ZNF831: variants seen among roughly 807,000 people sequenced by gnomAD.
The protein encoded by ZNF831 is zinc finger protein 831.
Under a neutral mutation model 95.8 loss-of-function variants are expected in ZNF831, and 59 were observed. That is an observed-to-expected ratio of 0.62 (90% CI 0.50 to 0.77). The LOEUF is 0.77. Ranked by LOEUF, ZNF831 falls within the 30% of genes least tolerant of loss-of-function variation. The pLI, the probability that ZNF831 is intolerant of heterozygous loss-of-function variation, is 0.00. For missense variants in ZNF831, 2,205 were observed against 2,164.0 expected (o/e 1.02, Z -0.38); for synonymous variants, 961 against 925.5 (o/e 1.04, Z -0.70).
chr20:59,191,646 C>T lies in ZNF831; in HGVS notation c.627C>T (p.Ala209=). The part of the protein sequence containing the change: ...NSRLSSESEG[A]GGGLLEEGDK... ...GGCTGTCCTCAGAGTCCGAGGGCGC[C>T]GGGGGCGGCCTCCTGGAGGAAGGGG... Residue 209 remains alanine (A), a synonymous_variant, in exon 2 of 6, where the codon GCC becomes GCT. Coordinates refer to ENST00000371030, the MANE Select transcript of ZNF831 (RefSeq NM_178457.3). 1 of 1,564,212 alleles carries T rather than the reference C, an allele frequency of 6.4e-7. No homozygotes were observed. The highest frequency in any genetic ancestry group is 8.7e-7 in the Non-Finnish European group (1 of 1,154,730).
intron 1 of ZNF831, among the ~76,000 whole-genome samples, chr20:59,141,598 G>A (rs978228313): frequency 8.5e-5 from 13 of 152,078 alleles, no homozygotes; most frequent in African/African-American, 3.1e-4. Context: ...CATTACCATG[G>A]CCCTCTCTGG....
At chr20:59,195,786 G>C in intron 2 of ZNF831, 83 bp from the exon 3 acceptor site, 1 of 1,531,862 alleles carries the variant, frequency 6.5e-7, no homozygotes, top group Non-Finnish European at 8.8e-7. Context: ...CAGGCATCTT[G>C]TCTGCAGAGC....
intron 1 of ZNF831, among the ~76,000 whole-genome samples, chr20:59,142,699 CA>C (rs1233189593): frequency 6.6e-6 from 1 of 152,170 alleles, no homozygotes; most frequent in Non-Finnish European, 1.5e-5. Flanking sequence ...ATGCCTCTAG[CA>C]AAAATTTCAT....
At chr20:59,251,780 G>GA in intron 4 of ZNF831, among the ~76,000 whole-genome samples, 1 of 152,258 alleles carries the variant, frequency 6.6e-6, no homozygotes, top group Non-Finnish European at 1.5e-5. Flanking sequence ...TGAGTCCATA[G>GA]AAAACTCAGC....
intron 1 of ZNF831, among the ~76,000 whole-genome samples, chr20:59,184,241 T>C (rs925193837): frequency 1.3e-5 from 2 of 152,228 alleles, no homozygotes; most frequent in African/African-American, 2.4e-5. Flanking sequence ...CGATGAATAA[T>C]ATTCCATTGT....
In ZNF831 at chr20:59,169,013, T is replaced by G. The variant is rs1568736053; in HGVS notation, c.-37+4806T>G. On this transcript the variant is annotated intron_variant, in intron 1 of 5. Transcript: ENST00000371030. The surrounding 1 kb of genome is among the most constrained non-coding windows in gnomAD (Gnocchi z 4.1). Reference sequence around the variant, plus strand: ...TGAGGGATATTCGTCTGTAGTTGTCTTTTCATGCTGTCTTTGTCTAGTTTG... The same window carrying G: ...TGAGGGATATTCGTCTGTAGTTGTCGTTTCATGCTGTCTTTGTCTAGTTTG... Among the ~76,000 whole-genome samples, 1 of 152,228 alleles carries G rather than the reference T, an allele frequency of 6.6e-6. No individual in the cohort carries two copies. The highest frequency in any genetic ancestry group is 1.5e-5 in the Non-Finnish European group (1 of 68,040).
intron 1 of ZNF831, among the ~76,000 whole-genome samples, chr20:59,125,709 C>T (rs1266222213): frequency 2.6e-5 from 4 of 152,124 alleles, no homozygotes; most frequent in Admixed American, 1.3e-4. Flanking sequence ...TAGCTGGTCT[C>T]TAAAATAAAA....
chr20:59,146,332 G>A (rs1457389546), exon 2 of ZNF831: 1 of 152,302 alleles, frequency 6.6e-6, no homozygotes, highest in Non-Finnish European at 1.5e-5. Flanking sequence ...GTTTTCGGGA[G>A]AGAGCGGCAG....
chr20:59,247,079 A>C (rs1376755310), intron 4 of ZNF831, among the ~76,000 whole-genome samples: 1 of 152,278 alleles, frequency 6.6e-6, no homozygotes, highest in Non-Finnish European at 1.5e-5. Context: ...AAATGAATTT[A>C]CTGTCAAAGA....
intron 4 of ZNF831, among the ~76,000 whole-genome samples, chr20:59,214,083 C>A (rs975059644): frequency 6.6e-6 from 1 of 152,064 alleles, no homozygotes; most frequent in African/African-American, 2.4e-5. Context: ...TTCTCGTGCA[C>A]AATATGCGTG....
At chr20:59,180,711 T>G (rs1982551026) in intron 1 of ZNF831, among the ~76,000 whole-genome samples, 1 of 152,218 alleles carries the variant, frequency 6.6e-6, no homozygotes. Context: ...AACTCATTCT[T>G]TTTTATGGCT....
chr20:59,209,044 G>A, intron 4 of ZNF831, among the ~76,000 whole-genome samples: 1 of 152,180 alleles, frequency 6.6e-6, no homozygotes, highest in Non-Finnish European at 1.5e-5. Flanking sequence ...GATAAATGTG[G>A]TACAGGACAA....
chr20:59,208,145 A>G lies in ZNF831; in HGVS notation c.4027+1089A>G, dbSNP rs969226991. On this transcript the variant is annotated intron_variant, in intron 4 of 5. Transcript: ENST00000371030. This position sits in a 1 kb window ranked among gnomAD's most constrained non-coding sequence, Gnocchi z 4.2. Reference sequence around the variant, plus strand: ...TAAGGAAGGTCAAGGGTCAAGCCCCATGTGGGAGAGGCTGGGATGCAGGGG... The same window carrying G: ...TAAGGAAGGTCAAGGGTCAAGCCCCGTGTGGGAGAGGCTGGGATGCAGGGG... Among the ~76,000 whole-genome samples the G allele has an allele frequency of 6.6e-6, 1 of 152,246 alleles. No homozygotes were observed. The highest frequency in any genetic ancestry group is 2.4e-5 in the African/African-American group (1 of 41,470).
chr20:59,234,398 A>C (rs139109294), intron 4 of ZNF831, among the ~76,000 whole-genome samples: 132 of 152,322 alleles, frequency 8.7e-4, no homozygotes, highest in African/African-American at 2.8e-3. Context: ...AAGGCCCTCC[A>C]TTTTCATTTG....
At chr20:59,135,054 G>A (rs138769666) in intron 1 of ZNF831, among the ~76,000 whole-genome samples, 126 of 152,100 alleles carry the variant, frequency 8.3e-4, no homozygotes, top group Admixed American at 1.6e-3. Context: ...TCAGCCTCTC[G>A]GTAGCTCTAA....
rs144815618 is a variant in ZNF831, at chr20:59,136,051, C to G, written c.-1424-10180C>G. ...CTTCCAAGCTTATTCAGCTTGTCATCAGAATTGAATTCCACGTGGTTGGGG... is the reference window on the plus strand; with the variant it reads ...CTTCCAAGCTTATTCAGCTTGTCATGAGAATTGAATTCCACGTGGTTGGGG... On this transcript the variant is annotated intron_variant, in intron 1 of 7. Coordinates refer to the ZNF831 transcript ENST00000637017. Among the ~76,000 whole-genome samples the G allele has an allele frequency of 1.3e-3, 198 of 152,314 alleles. 2 individuals carry two copies. The highest frequency in any genetic ancestry group is 1.6e-3 in the Non-Finnish European group (109 of 68,040).
At chr20:59,161,276 GT>G (rs112656440), upstream of ZNF831, among the ~76,000 whole-genome samples, 21,433 of 150,442 alleles carry the variant, frequency 0.14, 1,649 homozygotes, top group African/African-American at 0.21. Context: ...CACTGTCTTT[GT>G]TTTTTTTTGT....
At chr20:59,201,663 C>T (rs552751865) in intron 3 of ZNF831, among the ~76,000 whole-genome samples, 12 of 151,986 alleles carry the variant, frequency 7.9e-5, no homozygotes, top group Non-Finnish European at 1.0e-4. Flanking sequence ...ATGTATGGAT[C>T]GAAGTTCTTA....
At chr20:59,153,545 G>A (rs957640922) in intron 2 of ZNF831, among the ~76,000 whole-genome samples, 7 of 152,336 alleles carry the variant, frequency 4.6e-5, no homozygotes, top group South Asian at 2.1e-4. Context: ...TGGGTGCCCC[G>A]CTGCCAAGAG....
Sources: allele counts gnomAD v4.1 joint callset (sites outside exome capture counted in the v4.1 genomes callset), GRCh38; gene constraint gnomAD v4.1.1; non-coding constraint Gnocchi (gnomAD v3.1); transcripts MANE v1.5; gene names NCBI Gene and HGNC (gene_info 2026-07-23, HGNC 2026-07-21).